The following GPC3 variants were observed in gnomAD, a reference collection of about 807,000 sequenced individuals.
GPC3 encodes glypican-3.
Under a neutral mutation model 34.4 loss-of-function variants are expected in GPC3, and 3 were observed. The ratio of observed to expected loss-of-function variants is 0.09; its 90% CI spans 0.04 to 0.23. The LOEUF (loss-of-function observed/expected upper bound fraction) is 0.23. Ranked by LOEUF, GPC3 falls within the 10% of genes least tolerant of loss-of-function variation. GPC3 has a pLI of 1.00. For synonymous variants in GPC3, 177 were observed against 174.0 expected (o/e 1.02, Z -0.13); for missense variants, 351 against 445.6 (o/e 0.79, Z 1.91).
chrX:133,590,817 T>G (rs2069839804), intron 7 of GPC3, among the ~76,000 whole-genome samples: 1 of 111,621 alleles, frequency 9.0e-6, no homozygotes. Context: ...CAAGGTCAGA[T>G]GAAAACTTAC....
chrX:133,610,039 A>G (rs774412753), intron 6 of GPC3, among the ~76,000 whole-genome samples: 110 of 111,925 alleles, frequency 9.8e-4, no homozygotes, highest in Middle Eastern at 4.6e-3. Flanking sequence ...AAGCATTCCC[A>G]AGACAGCCCT....
chrX:133,646,088 A>G (rs1000816824), intron 6 of GPC3, among the ~76,000 whole-genome samples: 18 of 110,012 alleles, frequency 1.6e-4, no homozygotes, highest in African/African-American at 6.0e-4. Context: ...AAAGACAAAA[A>G]AAAAAAAAAA....
At chrX:133,739,364 C>T (rs2071542216) in intron 3 of GPC3, among the ~76,000 whole-genome samples, 2 of 112,285 alleles carry the variant, frequency 1.8e-5, no homozygotes, top group African/African-American at 6.5e-5. Context: ...TTTTGCCTCA[C>T]AGCAGATTAA....
intron 1 of GPC3, among the ~76,000 whole-genome samples, chrX:133,953,488 T>G (rs931431338): frequency 9.0e-6 from 1 of 111,705 alleles, no homozygotes; most frequent in African/African-American, 3.3e-5. Context: ...ATAAACTAAT[T>G]TATAGCACCA....
intron 2 of GPC3, among the ~76,000 whole-genome samples, chrX:133,786,597 A>G (rs1246034126): frequency 2.7e-5 from 3 of 111,755 alleles, no homozygotes; most frequent in Non-Finnish European, 5.6e-5. Context: ...CTGGAGCCTG[A>G]CATATGCACT....
intron 7 of GPC3, among the ~76,000 whole-genome samples, chrX:133,570,235 CT>C (rs1364301017): frequency 9.9e-6 from 1 of 100,972 alleles, no homozygotes; most frequent in Non-Finnish European, 2.0e-5. Flanking sequence ...GAGTTTCATT[CT>C]TGTTGCCCAG....
intron 3 of GPC3, among the ~76,000 whole-genome samples, chrX:133,746,530 T>C (rs2071613763): frequency 8.9e-6 from 1 of 112,637 alleles, no homozygotes; most frequent in South Asian, 3.7e-4. Context: ...AATTTTTTCA[T>C]TTGTATTCTT....
At chrX:133,935,744 T>TA (rs1478443890) in intron 2 of GPC3, among the ~76,000 whole-genome samples, 2 of 111,376 alleles carry the variant, frequency 1.8e-5, no homozygotes, top group African/African-American at 3.3e-5. Context: ...GAGTATCATG[T>TA]AAGGCACAGA....
At chrX:133,671,217 C>T (rs1218916315) in intron 5 of GPC3, 36 of 1,170,003 alleles carry the variant, frequency 3.1e-5, no homozygotes, top group Non-Finnish European at 4.0e-5. Context: ...ATTTATGATT[C>T]CCTGGATTAT....
intron 2 of GPC3, among the ~76,000 whole-genome samples, chrX:133,946,755 T>C (rs1006429132): frequency 9.0e-6 from 1 of 110,862 alleles, no homozygotes; most frequent in Non-Finnish European, 1.9e-5. Flanking sequence ...TCAAAAGCCA[T>C]CTGCATATGA....
chrX:133,681,247 G>A (rs925667333), intron 5 of GPC3, among the ~76,000 whole-genome samples: 1 of 111,703 alleles, frequency 9.0e-6, no homozygotes, highest in Non-Finnish European at 1.9e-5. Context: ...TCCATTTTAC[G>A]TGTGGGGAAG....
intron 3 of GPC3, among the ~76,000 whole-genome samples, chrX:133,729,615 C>T (rs752285793): frequency 9.0e-6 from 1 of 111,709 alleles, no homozygotes; most frequent in East Asian, 2.8e-4. Flanking sequence ...ATCAAAAGTA[C>T]TCAACAAATA....
chrX:133,629,777 G>A (rs905923425), intron 6 of GPC3, among the ~76,000 whole-genome samples: 6 of 110,367 alleles, frequency 5.4e-5, no homozygotes, highest in South Asian at 3.9e-4. Context: ...AGAGTTGGCC[G>A]GGCGCAGTGG....
At chrX:133,852,985 CAAAA>C (rs33927142) in intron 2 of GPC3, among the ~76,000 whole-genome samples, 2 of 42,111 alleles carry the variant, frequency 4.7e-5, no homozygotes, top group East Asian at 1.1e-3. Flanking sequence ...TTTTAAATTC[CAAAA>C]AAAAAAAAAA....
chrX:133,535,797 C>T lies in GPC3; in HGVS notation c.*327G>A, dbSNP rs138628790. On this transcript the variant is annotated 3_prime_UTR_variant, in exon 8 of 8. Transcript: ENST00000370818. Reference sequence around the variant, plus strand: ...CAAAGAAATCCATGCAAAGAGAGAACGATAGAAAGGGAGGGAGTGAGAGAG... The same window carrying T: ...CAAAGAAATCCATGCAAAGAGAGAATGATAGAAAGGGAGGGAGTGAGAGAG... 291 of 263,740 alleles carry T rather than the reference C, an allele frequency of 1.1e-3. 1 individual carries two copies. Among genetic ancestry groups the T allele is most frequent in the African/African-American group, 6.1e-3 (221 of 35,948 alleles). 21.7% of individuals were successfully genotyped at this position (263,740 alleles called of 1,213,427 possible).
At chrX:133,847,584 TGAAA>T (rs1411895248) in intron 2 of GPC3, among the ~76,000 whole-genome samples, 2 of 112,291 alleles carry the variant, frequency 1.8e-5, no homozygotes, top group Non-Finnish European at 3.8e-5. Context: ...CTTTCAGATT[TGAAA>T]GAAAGATCTT....
intron 2 of GPC3, among the ~76,000 whole-genome samples, chrX:133,882,060 T>G (rs1569449629): frequency 8.9e-6 from 1 of 112,378 alleles, no homozygotes; most frequent in Non-Finnish European, 1.9e-5. Context: ...GACTTCTTCC[T>G]GTGGAATGTA....
intron 1 of GPC3, among the ~76,000 whole-genome samples, chrX:133,955,867 A>T (rs1450531886): frequency 8.9e-6 from 1 of 112,120 alleles, no homozygotes; most frequent in Non-Finnish European, 1.9e-5. Context: ...TTATTTTTTT[A>T]AAAAATGAGG....
intron 2 of GPC3, among the ~76,000 whole-genome samples, chrX:133,900,366 G>A (rs1179449674): frequency 3.6e-5 from 4 of 112,192 alleles, no homozygotes; most frequent in Admixed American, 2.8e-4. Flanking sequence ...AAACAGATGG[G>A]TTTTCAATAA....
Sources: allele counts gnomAD v4.1 joint callset (sites outside exome capture counted in the v4.1 genomes callset), GRCh38; gene constraint gnomAD v4.1.1; transcripts MANE v1.5; gene names NCBI Gene and HGNC (gene_info 2026-07-23, HGNC 2026-07-21).